The following PTPRE variants were observed in gnomAD, a reference collection of about 807,000 sequenced individuals.
The protein encoded by PTPRE is receptor-type tyrosine-protein phosphatase epsilon.
Under a neutral mutation model 102.0 loss-of-function variants are expected in PTPRE, and 51 were observed. That is an observed-to-expected ratio of 0.50 (90% CI 0.40 to 0.63). The LOEUF is 0.63. Ranked by LOEUF, PTPRE falls within the 30% of genes least tolerant of loss-of-function variation. The pLI, the probability that PTPRE is intolerant of heterozygous loss-of-function variation, is 0.00. For synonymous variants in PTPRE, 345 were observed against 348.2 expected, an observed-to-expected ratio of 0.99 and a Z score of 0.10; for missense variants, 752 against 915.1, an observed-to-expected ratio of 0.82 and a Z score of 2.30.
At chr10:127,909,256 G>C (rs974502506) in intron 1 of PTPRE, among the ~76,000 whole-genome samples, 1 of 152,184 alleles carries the variant, frequency 6.6e-6, no homozygotes, top group Non-Finnish European at 1.5e-5. Flanking sequence ...CCCCTGAGAA[G>C]AGAGGTGGCT....
intron 6 of PTPRE, among the ~76,000 whole-genome samples, chr10:128,052,663 A>G (rs1848645420): frequency 1.3e-5 from 2 of 152,190 alleles, no homozygotes; most frequent in South Asian, 4.1e-4. Flanking sequence ...CCACTGGGCC[A>G]AGGAAAATCC....
At chr10:128,049,764 C>T (rs943767951) in intron 6 of PTPRE, 98 bp downstream of exon 6, 76 of 1,536,334 alleles carry the variant, frequency 4.9e-5, no homozygotes, top group Non-Finnish European at 6.5e-5. Flanking sequence ...GACTCAGAAC[C>T]CTTGCATCAG....
chr10:127,952,212 A>G (rs1361488535), intron 1 of PTPRE, among the ~76,000 whole-genome samples: 1 of 152,204 alleles, frequency 6.6e-6, no homozygotes, highest in African/African-American at 2.4e-5. Context: ...GAACTTATGT[A>G]TACAGTGATC....
intron 5 of PTPRE, among the ~76,000 whole-genome samples, chr10:128,048,590 G>A (rs971929091): frequency 3.3e-5 from 5 of 152,164 alleles, no homozygotes; most frequent in South Asian, 2.1e-4. Context: ...GCCTCCCAGC[G>A]CTCGCGGGAC....
chr10:127,948,158 G>T (rs1443632093), intron 1 of PTPRE, among the ~76,000 whole-genome samples: 1 of 152,190 alleles, frequency 6.6e-6, no homozygotes, highest in African/African-American at 2.4e-5. Context: ...GGAAGGGTGA[G>T]CCTAGGCTTA....
intron 1 of PTPRE, among the ~76,000 whole-genome samples, chr10:127,966,931 G>A (rs1438391339): frequency 2.6e-5 from 4 of 152,202 alleles, no homozygotes; most frequent in Admixed American, 2.0e-4. Context: ...TGAAAAAAAT[G>A]ATTAAAATCA....
At chr10:128,001,361 T>C (rs1853870164) in intron 2 of PTPRE, among the ~76,000 whole-genome samples, 2 of 152,224 alleles carry the variant, frequency 1.3e-5, no homozygotes, top group Admixed American at 1.3e-4. Context: ...GAAAGGCTGA[T>C]AGTAAGTAAA....
chr10:128,052,299 G>A (rs937090860), intron 6 of PTPRE, among the ~76,000 whole-genome samples: 3 of 152,198 alleles, frequency 2.0e-5, no homozygotes, highest in African/African-American at 4.8e-5. Context: ...CAAAGTGGCC[G>A]ATCCAGTTGA....
rs1850587324 is a variant in PTPRE at position 128,069,637 on chromosome 10, A to G, written c.1008-55A>G. 4.4e-6 allele frequency: 7 copies of G among 1,603,110 alleles called. No individual in the cohort carries two copies. In the Admixed American group the frequency reaches 1.0e-4, roughly 23 times the overall value. On this transcript the variant is annotated intron_variant, in intron 12 of 20. Coordinates refer to ENST00000254667, the MANE Select transcript of PTPRE (RefSeq NM_006504.6). The stretch of plus-strand genomic sequence containing the variant: ...TGCGCAGGCCCCTTCGGGGCCTTTC[A>G]TTTACTTCGGGAGGAGTGTGACTCA...
intron 2 of PTPRE, chr10:127,998,205 A>G (rs1853473998): frequency 6.6e-6 from 1 of 152,240 alleles, no homozygotes. Context: ...GAAATTCCTT[A>G]TCAACAGAAA....
intron 1 of PTPRE, among the ~76,000 whole-genome samples, chr10:127,923,375 T>C (rs1358202847): frequency 1.3e-5 from 2 of 150,952 alleles, no homozygotes; most frequent in African/African-American, 4.9e-5. Context: ...CCTGTTTTGA[T>C]CCTGATGTGA....
At chr10:128,039,126 C>T (rs1847462258) in intron 2 of PTPRE, among the ~76,000 whole-genome samples, 1 of 152,196 alleles carries the variant, frequency 6.6e-6, no homozygotes, top group Non-Finnish European at 1.5e-5. Context: ...ATCAATTACT[C>T]TGTAATTTAC....
intron 2 of PTPRE, among the ~76,000 whole-genome samples, chr10:128,009,973 C>A (rs1200267163): frequency 1.3e-5 from 2 of 152,304 alleles, no homozygotes; most frequent in South Asian, 2.1e-4. Context: ...TGAGCAATGA[C>A]CATGAGCTGA....
chr10:127,999,855 G>C (rs1362501863), intron 2 of PTPRE: 4 of 985,418 alleles, frequency 4.1e-6, no homozygotes, highest in Non-Finnish European at 4.8e-6. Flanking sequence ...TTTCGCATCA[G>C]TAGCCTGCTT....
intron 2 of PTPRE, among the ~76,000 whole-genome samples, chr10:127,984,977 C>A (rs1258377636): frequency 1.3e-5 from 2 of 152,196 alleles, no homozygotes; most frequent in South Asian, 4.1e-4. Context: ...GCATTTGAGA[C>A]GTGTACAGAG....
At position 128,001,704 on chromosome 10, in the gene PTPRE, G is replaced by T. The variant is rs542033836; in HGVS notation, c.-8+19408G>T. Among the ~76,000 whole-genome samples, 179 of 152,314 alleles carry T rather than the reference G, an allele frequency of 1.2e-3. 1 individual carries two copies. The highest frequency in any genetic ancestry group is 4.2e-3 in the African/African-American group (175 of 41,572). ...ATGCCCTCGCTTTTCTGACCTAGGG[G>T]TCTGCCATGGGATGATGACATGTTC... On this transcript the variant is annotated intron_variant, in intron 2 of 20. Transcript: ENST00000254667.
chr10:128,000,399 C>G (rs1853750234), intron 2 of PTPRE, among the ~76,000 whole-genome samples: 1 of 152,184 alleles, frequency 6.6e-6, no homozygotes. Flanking sequence ...TGGAAGCTGA[C>G]TAACCAATGA....
intron 2 of PTPRE, among the ~76,000 whole-genome samples, chr10:128,016,591 G>T (rs1208871567): frequency 6.6e-6 from 1 of 152,010 alleles, no homozygotes; most frequent in Non-Finnish European, 1.5e-5. Context: ...TGACGGCGGT[G>T]AGCAGAGGGC....
chr10:127,968,057 T>C (rs1213680248), intron 1 of PTPRE, among the ~76,000 whole-genome samples: 2 of 150,088 alleles, frequency 1.3e-5, no homozygotes, highest in Non-Finnish European at 2.9e-5. Flanking sequence ...TCCCTGGATA[T>C]AGGTCACACA....
Sources: allele counts gnomAD v4.1 joint callset (sites outside exome capture counted in the v4.1 genomes callset), GRCh38; gene constraint gnomAD v4.1.1; transcripts MANE v1.5; gene names NCBI Gene and HGNC (gene_info 2026-07-23, HGNC 2026-07-21).